CDHR2: variants seen among roughly 807,000 people sequenced by gnomAD.
CDHR2 encodes cadherin-related family member 2.
Under a neutral mutation model 138.6 loss-of-function variants are expected in CDHR2, and 104 were observed. The observed-to-expected ratio is 0.75, with a 90% confidence interval of 0.64 to 0.88. The LOEUF is 0.88. Among genes scored for constraint, CDHR2 ranks in the 40% least tolerant of loss-of-function variants. The pLI is 0.00. For synonymous variants in CDHR2, 755 were observed against 742.8 expected (o/e 1.02, Z -0.27); for missense variants, 1,624 against 1,727.6 (o/e 0.94, Z 1.06).
Position 176,592,776 on chromosome 5 carries a change from T to C in CDHR2, c.3788T>C (p.Ile1263Thr). ...SVDVDKNSQE[I>T]KEHRPPHTPP... ...GATGTGGACAAGAACAGTCAGGAAA[T>C]CAAGGCAAGATGGGGGATGAATTGG... Residue 1263 changes from isoleucine (I) to threonine (T), a missense_variant, in exon 31 of 32, where the codon ATC becomes ACC. Physicochemically the swap from Ile to Thr is moderately conservative, Grantham distance 89. This residue lies in a region of CDHR2 where 556 missense variants were observed against 565.7 expected (regional missense o/e 0.98). Transcript: ENST00000261944. 6.2e-7 allele frequency: 1 copy of C among 1,613,744 alleles called. No homozygotes were observed. Among genetic ancestry groups the C allele is most frequent in the Non-Finnish European group, 8.5e-7 (1 of 1,179,818 alleles).
intron 17 of CDHR2, among the ~76,000 whole-genome samples, chr5:176,583,844 C>T (rs757554874): frequency 6.6e-6 from 1 of 152,154 alleles, no homozygotes; most frequent in Non-Finnish European, 1.5e-5. Flanking sequence ...AGATGGGAGT[C>T]AAGCTGGGCC....
At position 176,553,943 on chromosome 5, in the gene CDHR2, G is replaced by A. The variant is rs1217630363; in HGVS notation, c.-16+4529G>A. ...CAGCGCTATGATGTCACTCTCCAGGGTGTAGCTGTACCCACATCGCTGTCC... is the reference window on the plus strand; with the variant it reads ...CAGCGCTATGATGTCACTCTCCAGGATGTAGCTGTACCCACATCGCTGTCC... On this transcript the variant is annotated intron_variant, in intron 1 of 31. Transcript: ENST00000261944. The surrounding 1 kb of genome is among the most constrained non-coding windows in gnomAD (Gnocchi z 4.3). 6.6e-6 allele frequency among the ~76,000 whole-genome samples: 1 copy of A among 152,146 alleles called. No homozygotes were observed. Among genetic ancestry groups the A allele is most frequent in the African/African-American group, 2.4e-5 (1 of 41,434 alleles).
In CDHR2 at chr5:176,590,091, G is replaced by A. The variant is rs1216396472; in HGVS notation, c.3220G>A (p.Ala1074Thr). ...CCTTCTTTGCAGGGCTCTTACCCAG[G>A]CAACCAGGACTACAGTATACATTGT... ...RQAINAALTQ[A>T]TRTTVYIVDI... The change falls in exon 25 of 32, where the codon GCA becomes ACA. Residue 1074 changes from alanine (A) to threonine (T), a missense_variant. Physicochemically the swap from Ala to Thr is moderately conservative, Grantham distance 58 (BLOSUM62 0). Coordinates refer to ENST00000261944, the MANE Select transcript of CDHR2 (RefSeq NM_017675.6). 6.2e-7 allele frequency: 1 copy of A among 1,613,780 alleles called. No homozygotes were observed. The highest frequency in any genetic ancestry group is 1.1e-5 in the South Asian group (1 of 91,076).
rs114504389 is a variant in CDHR2, at chr5:176,595,645, C to T, written c.3906C>T (p.Asn1302=). 52 of 1,608,364 alleles carry T rather than the reference C, an allele frequency of 3.2e-5. No homozygotes were observed. Among genetic ancestry groups the T allele is most frequent in the African/African-American group, 5.3e-5 (4 of 74,852 alleles). Residue 1302 remains asparagine, a synonymous_variant, in exon 32 of 32, where the codon AAC becomes AAT. Coordinates refer to ENST00000261944, the MANE Select transcript of CDHR2 (RefSeq NM_017675.6). ...AGCTGGAGGGGCCATCCTACACCAA[C>T]GCTGGCCTGGACACCACGGACCTGT... The part of the protein sequence containing the change: ...SGQLEGPSYT[N]AGLDTTDL
At chr5:176,588,514 TGC>T (rs1491266442) in intron 21 of CDHR2, among the ~76,000 whole-genome samples, 1 of 146,804 alleles carries the variant, frequency 6.8e-6, no homozygotes, top group Non-Finnish European at 1.5e-5. Flanking sequence ...TATGAGTGTG[TGC>T]ATGTGTGTGA....
rs1410449228 is a variant in CDHR2, at chr5:176,569,533, C to T, written c.315+523C>T. Among the ~76,000 whole-genome samples, 8 of 152,242 alleles carry T rather than the reference C, an allele frequency of 5.3e-5. No homozygotes were observed. The East Asian group carries it at 7.7e-4, about 15-fold the overall frequency. ...TCCTGACCTTGTGATCCGCCCGCCT[C>T]GGCTTCCCAGAGTGCTGGGATTACA... is the stretch of plus-strand genomic sequence containing the variant. On this transcript the variant is annotated intron_variant, in intron 5 of 31. Coordinates refer to ENST00000261944, the MANE Select transcript of CDHR2 (RefSeq NM_017675.6).
intron 1 of CDHR2, among the ~76,000 whole-genome samples, chr5:176,561,611 C>T (rs1757969266): frequency 6.7e-6 from 1 of 148,980 alleles, no homozygotes; most frequent in African/African-American, 2.5e-5. Context: ...GAGGGCGTGT[C>T]TGGACAGAAG....
chr5:176,549,017 C>T (rs773015405), upstream of CDHR2, among the ~76,000 whole-genome samples: 3 of 152,192 alleles, frequency 2.0e-5, no homozygotes, highest in Admixed American at 6.5e-5. Context: ...ACTGAAGACT[C>T]GTAGCAGGGA....
intron 1 of CDHR2, among the ~76,000 whole-genome samples, chr5:176,562,317 T>C (rs933355896): frequency 6.6e-6 from 1 of 151,208 alleles, no homozygotes; most frequent in Non-Finnish European, 1.5e-5. Context: ...CAGTATGGGA[T>C]GGAGAGATGC....
At chr5:176,590,750 G>A in intron 28 of CDHR2, 63 bp downstream of exon 28, 2 of 1,606,076 alleles carry the variant, frequency 1.2e-6, no homozygotes, top group Middle Eastern at 2.2e-4. Context: ...AAGACGTCGG[G>A]GGGTAGGGGT....
At chr5:176,572,414 T>TA (rs1162348776) in intron 6 of CDHR2, among the ~76,000 whole-genome samples, 72 of 149,218 alleles carry the variant, frequency 4.8e-4, no homozygotes, top group African/African-American at 1.6e-3. Flanking sequence ...AATAAATAAA[T>TA]AATAAAAAAA....
rs758741816 is a variant in CDHR2, at chr5:176,581,447, C to A, written c.1923C>A (p.Leu641=). Residue 641 remains leucine, a synonymous_variant, in exon 17 of 32, where the codon CTC becomes CTA. Transcript: ENST00000261944. ...TCTCCTTGGACCCTGACACAGGGCT[C>A]CTCAGAAACCTGGGGCCCCTGGACA... ...HNFSLDPDTG[L]LRNLGPLDRE... The A allele has an allele frequency of 6.8e-6, 11 of 1,614,078 alleles. No homozygotes were observed. In the Admixed American group the frequency reaches 1.8e-4, roughly 27 times the overall value.
chr5:176,577,401 C>T lies in CDHR2; in HGVS notation c.1197C>T (p.Gly399=). ...LTMVVYDPDK[G]SNGTFLLSLG... is the part of the protein sequence containing the mutation. Reference sequence around the variant, plus strand: ...TGCTAGACAGCCCACCTTTACAGGGCAGCAATGGCACCTTCCTGTTGTCGC... The same window carrying T: ...TGCTAGACAGCCCACCTTTACAGGGTAGCAATGGCACCTTCCTGTTGTCGC... Residue 399 remains glycine (G), a splice_region_variant and synonymous_variant, in exon 13 of 32, where the codon GGC becomes GGT. Coordinates refer to ENST00000261944, the MANE Select transcript of CDHR2 (RefSeq NM_017675.6). 6.2e-7 allele frequency: 1 copy of T among 1,607,060 alleles called. No individual in the cohort carries two copies. The highest frequency in any genetic ancestry group is 2.2e-5 in the East Asian group (1 of 44,590).
intron 17 of CDHR2, among the ~76,000 whole-genome samples, chr5:176,581,875 G>A (rs931592657): frequency 1.3e-5 from 2 of 152,220 alleles, no homozygotes; most frequent in African/African-American, 4.8e-5. Flanking sequence ...CACTCATAAA[G>A]TCCCACCTGA....
intron 1 of CDHR2, among the ~76,000 whole-genome samples, chr5:176,561,191 G>T (rs966114260): frequency 1.3e-5 from 2 of 152,188 alleles, no homozygotes; most frequent in African/African-American, 2.4e-5. Context: ...TGGTGTAGGT[G>T]CTGTTATTAT....
At chr5:176,554,136 A>G (rs1156407372) in intron 1 of CDHR2, among the ~76,000 whole-genome samples, 1 of 152,176 alleles carries the variant, frequency 6.6e-6, no homozygotes, top group Non-Finnish European at 1.5e-5. Flanking sequence ...GGTTCTTGGC[A>G]AGCCAGCATT....
intron 1 of CDHR2, among the ~76,000 whole-genome samples, chr5:176,556,415 C>T (rs762138955): frequency 1.4e-4 from 21 of 152,214 alleles, no homozygotes; most frequent in Non-Finnish European, 2.9e-4. Flanking sequence ...GCCTGTAATC[C>T]CAGCACTTTG....
At chr5:176,568,913 C>A (rs1348411370) in intron 4 of CDHR2, 47 bp from the exon 5 acceptor site, 1 of 1,612,388 alleles carries the variant, frequency 6.2e-7, no homozygotes, top group Non-Finnish European at 8.5e-7. Context: ...CCTGTGCTCC[C>A]ACCCAGCGGG....
upstream of CDHR2, among the ~76,000 whole-genome samples, chr5:176,548,715 C>T (rs1047813106): frequency 6.6e-6 from 1 of 151,970 alleles, no homozygotes; most frequent in Non-Finnish European, 1.5e-5. Flanking sequence ...TTCACTCCAG[C>T]CTGGGTGACA....
Sources: gnomAD v4.1 joint callset for allele counts (sites outside exome capture counted in the v4.1 genomes callset) on GRCh38, gnomAD v4.1.1 for gene constraint, gnomAD v4.1.1 regional missense constraint, Gnocchi (gnomAD v3.1) non-coding constraint, MANE v1.5 for transcripts, NCBI Gene and HGNC (gene_info 2026-07-23, HGNC 2026-07-21) for gene names.